Variants in VCP observed in about 807,000 individuals in gnomAD.
The protein encoded by VCP is transitional endoplasmic reticulum ATPase.
VCP carries 6 observed loss-of-function variants against 85.7 expected under a neutral mutation model. The ratio of observed to expected loss-of-function variants is 0.07; its 90% confidence interval spans 0.04 to 0.14. The LOEUF is 0.14. VCP is among the 10% of genes least tolerant of loss of function. The probability of loss-of-function intolerance (pLI) is 1.00; values close to 1 mark genes in which losing one functional copy is unlikely to be tolerated. For synonymous variants in VCP, 384 were observed against 367.1 expected, an observed-to-expected ratio of 1.05 and a Z score of -0.53; for missense variants, 353 against 1,043.4, an observed-to-expected ratio of 0.34 and a Z score of 9.12.
intron 3 of VCP, among the ~76,000 whole-genome samples, chr9:35,067,052 T>C (rs945848674): frequency 3.9e-5 from 6 of 152,142 alleles, no homozygotes. Flanking sequence ...CACAAAGACA[T>C]GCAGGGTCTT....
rs1828676965 is a variant in VCP at position 35,059,401 on chromosome 9, C to T, written c.2004+92G>A. 1 of 1,555,532 alleles carries T rather than the reference C, an allele frequency of 6.4e-7. No homozygotes were observed. The highest frequency in any genetic ancestry group is 8.8e-7 in the Non-Finnish European group (1 of 1,142,774). ...TACCTTCCCTTTAGACCAACCCTAA[C>T]CCCAGTGGAATCTTGTCCAGAAACT... On this transcript the variant is annotated intron_variant, in intron 14 of 16. Transcript: ENST00000358901. The surrounding 1 kb of genome is among the most constrained non-coding windows in gnomAD (Gnocchi z 4.9).
chr9:35,063,944 A>G (rs953637733), intron 6 of VCP, among the ~76,000 whole-genome samples: 1 of 152,272 alleles, frequency 6.6e-6, no homozygotes, highest in African/African-American at 2.4e-5. Context: ...GCACACGCAC[A>G]CAACAGACAA....
intron 11 of VCP, 43 bp from the exon 12 acceptor site, chr9:35,060,966 G>T: frequency 6.2e-7 from 1 of 1,614,184 alleles, no homozygotes; most frequent in South Asian, 1.1e-5. Flanking sequence ...TATCAAGGGA[G>T]GGGTCAAAGC....
chr9:35,068,171 A>G (rs1828870521), intron 2 of VCP, 80 bp downstream of exon 2: 9 of 1,606,996 alleles, frequency 5.6e-6, no homozygotes, highest in Non-Finnish European at 6.8e-6. Flanking sequence ...CAGTCACTGC[A>G]AGAAAAATGA....
intron 15 of VCP, 178 bp from the exon 16 acceptor site, chr9:35,057,708 A>G (rs1046733358): frequency 2.6e-6 from 2 of 783,554 alleles, no homozygotes; most frequent in South Asian, 3.0e-5. Context: ...TTGTCAATGC[A>G]CTCTGGAAAA....
At chr9:35,070,786 T>C (rs997831458) in intron 1 of VCP, among the ~76,000 whole-genome samples, 1 of 152,234 alleles carries the variant, frequency 6.6e-6, no homozygotes, top group African/African-American at 2.4e-5. Flanking sequence ...ACCTCCATTC[T>C]GCCTACCATC....
At chr9:35,063,825 CA>C (rs1455330044) in intron 6 of VCP, among the ~76,000 whole-genome samples, 2 of 152,170 alleles carry the variant, frequency 1.3e-5, no homozygotes, top group East Asian at 3.9e-4. Flanking sequence ...GACAGGCTGG[CA>C]AACTATGGTG....
intron 7 of VCP, 113 bp downstream of exon 7, chr9:35,062,865 A>C (rs1400153286): frequency 2.0e-5 from 19 of 967,214 alleles, no homozygotes; most frequent in Non-Finnish European, 3.2e-5. Context: ...GAAATATGCT[A>C]TAAACATGAA....
chr9:35,071,764 C>T, intron 1 of VCP: 1 of 989,630 alleles, frequency 1.0e-6, no homozygotes, highest in Non-Finnish European at 1.2e-6. Context: ...CACCTCCGGC[C>T]CCGCCGACCC....
chr9:35,072,137 C>T, intron 1 of VCP, 200 bp downstream of exon 1: 1 of 1,390,492 alleles, frequency 7.2e-7, no homozygotes, highest in Non-Finnish European at 9.3e-7. Flanking sequence ...CAAGCCCCGC[C>T]TAGGGGGCGC....
At chr9:35,068,975 G>A (rs1828886825) in intron 1 of VCP, among the ~76,000 whole-genome samples, 2 of 152,132 alleles carry the variant, frequency 1.3e-5, no homozygotes, top group Admixed American at 6.5e-5. Context: ...ACTTTCCAGG[G>A]AATTAAGTAA....
chr9:35,071,630 G>A (rs1828947255), intron 1 of VCP: 2 of 872,648 alleles, frequency 2.3e-6, no homozygotes, highest in Non-Finnish European at 2.8e-6. Context: ...ATAACATTAA[G>A]GAAAACTGGC....
In VCP at chr9:35,061,652, A is replaced by G; in HGVS notation, c.1119T>C (p.Asp373=). ...FDREVDIGIP[D]ATGRLEILQI... Reference sequence around the variant, plus strand: ...GAAGAATCTCTAAGCGTCCTGTAGCATCAGGAATTCCAATATCTACCTCCC... The same window carrying G: ...GAAGAATCTCTAAGCGTCCTGTAGCGTCAGGAATTCCAATATCTACCTCCC... Residue 373 remains aspartate (D), a synonymous_variant, in exon 10 of 17, where the codon GAT becomes GAC. Coordinates refer to ENST00000358901, the MANE Select transcript of VCP (RefSeq NM_007126.5). 1.9e-6 allele frequency: 3 copies of G among 1,614,130 alleles called. No individual in the cohort carries two copies. The highest frequency in any genetic ancestry group is 1.7e-6 in the Non-Finnish European group (2 of 1,180,014).
In VCP at chr9:35,059,293, G is replaced by A; in HGVS notation, c.2005-74C>T. 2 of 1,598,618 alleles carry A rather than the reference G, an allele frequency of 1.3e-6. No individual in the cohort carries two copies. The highest frequency in any genetic ancestry group is 8.5e-7 in the Non-Finnish European group (1 of 1,172,082). ...ATACGCAGATCTTTGGGCTACCCGA[G>A]CACTCCCAACTACAGTTTGCCCCTT... is the stretch of plus-strand genomic sequence containing the variant. On this transcript the variant is annotated intron_variant, in intron 14 of 16. Coordinates refer to ENST00000358901, the MANE Select transcript of VCP (RefSeq NM_007126.5). The surrounding 1 kb of genome is among the most constrained non-coding windows in gnomAD (Gnocchi z 4.9).
intron 10 of VCP, 145 bp from the exon 11 acceptor site, chr9:35,061,324 G>C: frequency 8.4e-7 from 1 of 1,190,550 alleles, no homozygotes; most frequent in South Asian, 1.3e-5. Flanking sequence ...TTATGGGCTG[G>C]GTTTTAAGTA....
intron 1 of VCP, chr9:35,071,699 G>A: frequency 5.1e-6 from 5 of 985,230 alleles, no homozygotes; most frequent in Non-Finnish European, 4.8e-6. Context: ...CGAAAGGTAG[G>A]GCTCGCCCTC....
At chr9:35,064,790 C>T (rs189679898) in intron 5 of VCP, among the ~76,000 whole-genome samples, 6 of 152,256 alleles carry the variant, frequency 3.9e-5, no homozygotes, top group East Asian at 3.9e-4. Context: ...TAGGTAAATC[C>T]AAGAAACAAT....
At chr9:35,067,433 C>T in intron 3 of VCP, among the ~76,000 whole-genome samples, 1 of 152,072 alleles carries the variant, frequency 6.6e-6, no homozygotes, top group African/African-American at 2.4e-5. Context: ...ATTCCTCTCT[C>T]CCGGGTTAAC....
chr9:35,056,980 G>T lies in VCP; in HGVS notation c.*137C>A. 1.2e-6 allele frequency: 1 copy of T among 853,314 alleles called. No individual in the cohort carries two copies. The highest frequency in any genetic ancestry group is 2.0e-6 in the Non-Finnish European group (1 of 509,230). The allele number at this position is 853,314 out of a possible 1,614,324, so 52.9% of individuals were successfully genotyped here. ...AACAGAAACCCCCTGTCCAGAGTCA[G>T]ACTGTAGCTGAACTGTTCAGACTGG... On this transcript the variant is annotated 3_prime_UTR_variant, in exon 17 of 17. Transcript: ENST00000358901.
Sources: gnomAD v4.1 joint callset for allele counts (sites outside exome capture counted in the v4.1 genomes callset) on GRCh38, gnomAD v4.1.1 for gene constraint, Gnocchi (gnomAD v3.1) non-coding constraint, MANE v1.5 for transcripts, NCBI Gene and HGNC (gene_info 2026-07-23, HGNC 2026-07-21) for gene names.